BAZ2B: variants seen among roughly 807,000 people sequenced by gnomAD.
The protein encoded by BAZ2B is bromodomain adjacent to zinc finger domain 2B.
Under a neutral mutation model 246.0 loss-of-function variants are expected in BAZ2B, and 91 were observed. The ratio of observed to expected loss-of-function variants is 0.37; its 90% CI spans 0.31 to 0.44. The LOEUF is 0.44. Among genes scored for constraint, BAZ2B ranks in the 20% least tolerant of loss-of-function variants. The probability of loss-of-function intolerance (pLI) is 1.00; values close to 1 mark genes in which losing one functional copy is unlikely to be tolerated. For synonymous variants in BAZ2B, 855 were observed against 860.0 expected, an observed-to-expected ratio of 0.99 and a Z score of 0.10; for missense variants, 2,332 against 2,533.7, an observed-to-expected ratio of 0.92 and a Z score of 1.71.
intron 3 of BAZ2B, among the ~76,000 whole-genome samples, chr2:159,467,608 T>C (rs1577388178): frequency 6.6e-6 from 1 of 152,206 alleles, no homozygotes; most frequent in Non-Finnish European, 1.5e-5. Flanking sequence ...CTAGGCTGGG[T>C]CACATGCCAC....
the BAZ2B span, among the ~76,000 whole-genome samples, chr2:159,704,453 T>C: frequency 1.7e-5 from 2 of 117,742 alleles, no homozygotes; most frequent in African/African-American, 3.4e-5. Context: ...CCTTCCTCCC[T>C]CCCTCCCTCC....
At chr2:159,686,055 A>G in the BAZ2B span, among the ~76,000 whole-genome samples, 4 of 152,216 alleles carry the variant, frequency 2.6e-5, no homozygotes, top group Non-Finnish European at 5.9e-5. Context: ...GAAGGCCAGG[A>G]GTTCAAGACC....
chr2:159,686,765 A>C, the BAZ2B span, among the ~76,000 whole-genome samples: 2 of 152,176 alleles, frequency 1.3e-5, no homozygotes, highest in South Asian at 2.1e-4. Context: ...ACAGTAGGCC[A>C]GGCGTGGTGG....
intron 35 of BAZ2B, 34 bp downstream of exon 35, chr2:159,325,619 A>C (rs747805180): frequency 6.4e-7 from 1 of 1,556,830 alleles, no homozygotes; most frequent in East Asian, 2.3e-5. Flanking sequence ...ATGGGGCATT[A>C]TAAATATACA....
chr2:159,467,155 G>A lies in BAZ2B; in HGVS notation c.145+11420C>T, dbSNP rs186963742. Among the ~76,000 whole-genome samples, 36 of 152,260 alleles carry A rather than the reference G, an allele frequency of 2.4e-4. No homozygotes were observed. The Middle Eastern group carries it at 0.02, about 86-fold the overall frequency. ...AAGGTCAGGGAGGCTGAAAGATAAG[G>A]GGTCAGAATGAGAACAGTGCCAGAC... On this transcript the variant is annotated intron_variant, in intron 3 of 36. Transcript: ENST00000392783.
intron 2 of BAZ2B, among the ~76,000 whole-genome samples, chr2:159,485,666 T>C (rs955646702): frequency 6.6e-6 from 1 of 152,030 alleles, no homozygotes; most frequent in Non-Finnish European, 1.5e-5. Context: ...CAAGTTTCTA[T>C]CAGAGTTTTA....
At chr2:159,682,304 C>T in the BAZ2B span, among the ~76,000 whole-genome samples, 1 of 151,638 alleles carries the variant, frequency 6.6e-6, no homozygotes, top group Non-Finnish European at 1.5e-5. Flanking sequence ...CTTCAGCCTC[C>T]CCAGTGGCTG....
At chr2:159,527,098 A>G (rs2151296337) in intron 2 of BAZ2B, among the ~76,000 whole-genome samples, 1 of 152,124 alleles carries the variant, frequency 6.6e-6, no homozygotes, top group South Asian at 2.1e-4. Context: ...TTTTTTAGAC[A>G]GGGTCTTGCT....
In BAZ2B at chr2:159,405,032, T is replaced by C. The variant is rs754744791; in HGVS notation, c.2760A>G (p.Lys920=). The C allele has an allele frequency of 3.7e-6, 6 of 1,613,998 alleles. No homozygotes were observed. The African/African-American group carries it at 4.0e-5, about 11-fold the overall frequency. The change falls in exon 15 of 37, where the codon AAA becomes AAG. Residue 920 remains lysine (K), a synonymous_variant. Transcript: ENST00000392783. Reference sequence around the variant, plus strand: ...ATTTAAATCACTCACCTTGTTGTTTTTTGGCTTCTTTAGCAACCCGAGCCT... The same window carrying C: ...ATTTAAATCACTCACCTTGTTGTTTCTTGGCTTCTTTAGCAACCCGAGCCT... The part of the protein sequence containing the change: ...QEQARVAKEA[K]KQQAIMAAEE...
chr2:159,400,779 A>G (rs551472363), intron 16 of BAZ2B, 115 bp from the exon 17 acceptor site: 385 of 569,064 alleles, frequency 6.8e-4, no homozygotes, highest in African/African-American at 9.8e-4. Flanking sequence ...AGTGGCTCAC[A>G]CCTGTAATCC....
chr2:159,512,469 T>A (rs1251179366), intron 2 of BAZ2B, among the ~76,000 whole-genome samples: 1 of 152,054 alleles, frequency 6.6e-6, no homozygotes, highest in East Asian at 1.9e-4. Context: ...GGTTTTCCAG[T>A]AAGAAACATA....
rs573844893 is a variant in BAZ2B, at chr2:159,497,362, T to C, written c.-2-18641A>G. Reference sequence around the variant, plus strand: ...TCCAGGAAGTAGGAAGGTCCATGACTCATTATGCTTTCCCTGTGCTTGACT... The same window carrying C: ...TCCAGGAAGTAGGAAGGTCCATGACCCATTATGCTTTCCCTGTGCTTGACT... On this transcript the variant is annotated intron_variant, in intron 2 of 36. Transcript: ENST00000392783. Among the ~76,000 whole-genome samples the C allele has an allele frequency of 2.6e-5, 4 of 152,326 alleles. 1 individual carries two copies. Among genetic ancestry groups the C allele is most frequent in the African/African-American group, 9.6e-5 (4 of 41,572 alleles).
intron 36 of BAZ2B, among the ~76,000 whole-genome samples, chr2:159,322,264 C>T (rs174226): frequency 0.59 from 89,102 of 151,974 alleles, 27,443 homozygotes; most frequent in East Asian, 0.95. Context: ...CTTATTTTTA[C>T]TGAGGTTAAG....
chr2:159,344,697 G>A (rs1376317010), intron 31 of BAZ2B, among the ~76,000 whole-genome samples: 1 of 151,958 alleles, frequency 6.6e-6, no homozygotes, highest in Admixed American at 6.6e-5. Flanking sequence ...ACCATAAAAA[G>A]AACGAAATAT....
At chr2:159,516,621 T>C (rs1302652044) in intron 2 of BAZ2B, 1 of 152,542 alleles carries the variant, frequency 6.6e-6, no homozygotes, top group Non-Finnish European at 1.5e-5. Context: ...GGTCAAATAG[T>C]ACTTCCTGCA....
chr2:159,698,438 A>G, the BAZ2B span, among the ~76,000 whole-genome samples: 6 of 149,920 alleles, frequency 4.0e-5, no homozygotes, highest in Non-Finnish European at 8.9e-5. Context: ...CAGGAGTTTG[A>G]GGCTGCAGTG....
chr2:159,366,901 C>T (rs2149345458), intron 27 of BAZ2B, among the ~76,000 whole-genome samples: 1 of 152,154 alleles, frequency 6.6e-6, no homozygotes, highest in East Asian at 1.9e-4. Context: ...ATCTAGTGAG[C>T]CACACCAAGG....
chr2:159,674,336 G>GA, the BAZ2B span, among the ~76,000 whole-genome samples: 73 of 123,004 alleles, frequency 5.9e-4, no homozygotes, highest in East Asian at 3.4e-3. Context: ...CTCTGTCTCA[G>GA]AAAAAAAAAA....
chr2:159,362,729 C>T (rs927889562), intron 27 of BAZ2B, among the ~76,000 whole-genome samples: 5 of 152,174 alleles, frequency 3.3e-5, no homozygotes, highest in African/African-American at 9.7e-5. Context: ...TCAGTAGCTA[C>T]GCCTGAGAAT....
Sources: gnomAD v4.1 joint callset for allele counts (sites outside exome capture counted in the v4.1 genomes callset) on GRCh38, gnomAD v4.1.1 for gene constraint, MANE v1.5 for transcripts, NCBI Gene and HGNC (gene_info 2026-07-23, HGNC 2026-07-21) for gene names.